ITPK1: variants seen among roughly 807,000 people sequenced by gnomAD.
ITPK1 encodes the protein inositol-tetrakisphosphate 1-kinase.
In ITPK1, 21 loss-of-function variants were observed where a neutral mutation model predicts 45.3. The observed-to-expected ratio is 0.46, with a 90% confidence interval of 0.33 to 0.67. The LOEUF is 0.67. ITPK1 is among the 30% of genes least tolerant of loss of function. ITPK1 has a pLI of 0.02. For synonymous variants in ITPK1, 258 were observed against 253.6 expected, an observed-to-expected ratio of 1.02 and a Z score of -0.16; for missense variants, 474 against 573.5, an observed-to-expected ratio of 0.83 and a Z score of 1.77.
chr14:93,003,041 G>C (rs1412609665), intron 4 of ITPK1, among the ~76,000 whole-genome samples: 1 of 152,240 alleles, frequency 6.6e-6, no homozygotes, highest in East Asian at 1.9e-4. Context: ...CTGTGAGGAG[G>C]GTCCGCGTGG....
intron 9 of ITPK1, among the ~76,000 whole-genome samples, chr14:92,950,858 A>G (rs993508065): frequency 2.6e-5 from 4 of 152,228 alleles, no homozygotes. Flanking sequence ...TCTGTTCCCA[A>G]AGCCTGATAT....
At chr14:93,028,180 A>G (rs1385226044) in intron 3 of ITPK1, among the ~76,000 whole-genome samples, 1 of 152,222 alleles carries the variant, frequency 6.6e-6, no homozygotes, top group South Asian at 2.1e-4. Flanking sequence ...AGGCCAAGCT[A>G]GTTCAAGTGT....
chr14:93,100,533 G>GGAGGGA lies in ITPK1; in HGVS notation c.95+14530_95+14535dup, dbSNP rs1555376345. Among the ~76,000 whole-genome samples, 219 of 150,482 alleles carry GGAGGGA rather than the reference G, an allele frequency of 1.5e-3. 1 individual carries two copies. Among genetic ancestry groups the GGAGGGA allele is most frequent in the African/African-American group, 4.8e-3 (198 of 41,070 alleles). ...GCAGGGAGGGGGCCGGGGGGAGAGAGGAGGGAGAGAGAGAGAGAGAGAGAC... is the reference window on the plus strand; with the variant it reads ...GCAGGGAGGGGGCCGGGGGGAGAGAGGAGGGAGAGGGAGAGAGAGAGAGAGAGAGAC... On this transcript the variant is annotated intron_variant, in intron 2 of 10. Coordinates refer to ENST00000267615, the MANE Select transcript of ITPK1 (RefSeq NM_014216.6).
chr14:93,046,342 G>A (rs961186496), intron 3 of ITPK1, among the ~76,000 whole-genome samples: 7 of 152,302 alleles, frequency 4.6e-5, no homozygotes, highest in South Asian at 4.1e-4. Context: ...GCGCTAGCCC[G>A]GGGCCCCACG....
At position 92,958,988 on chromosome 14, in the gene ITPK1, G is replaced by A. The variant is rs893852164; in HGVS notation, c.505-622C>T. 1.3e-5 allele frequency among the ~76,000 whole-genome samples: 2 copies of A among 152,210 alleles called. No individual in the cohort carries two copies. Among genetic ancestry groups the A allele is most frequent in the African/African-American group, 4.8e-5 (2 of 41,444 alleles). On this transcript the variant is annotated intron_variant, in intron 7 of 10. Coordinates refer to ENST00000267615, the MANE Select transcript of ITPK1 (RefSeq NM_014216.6). The surrounding 1 kb of genome is among the most constrained non-coding windows in gnomAD (Gnocchi z 4.4). ...TGACTGCTGGACAGTGAGTGAGCCC[G>A]GGATGGAACTGGGTCTGCACAGCAC...
chr14:93,051,542 G>C (rs1016712956), intron 3 of ITPK1, among the ~76,000 whole-genome samples: 1 of 130,798 alleles, frequency 7.6e-6, no homozygotes, highest in Non-Finnish European at 1.7e-5. Flanking sequence ...CTTGAGCCTG[G>C]GAGGCGGAGA....
chr14:93,038,654 T>C (rs1405918733), intron 3 of ITPK1, among the ~76,000 whole-genome samples: 1 of 152,006 alleles, frequency 6.6e-6, no homozygotes, highest in South Asian at 2.1e-4. Context: ...CAGCCTCCCA[T>C]GTAGCTGGGA....
At chr14:93,050,334 T>A (rs1889952141) in intron 3 of ITPK1, among the ~76,000 whole-genome samples, 1 of 152,014 alleles carries the variant, frequency 6.6e-6, no homozygotes, top group Admixed American at 6.6e-5. Context: ...GTACTTCCAC[T>A]CCCCTACCTG....
chr14:93,105,464 C>T (rs1397455943), intron 2 of ITPK1, among the ~76,000 whole-genome samples: 1 of 151,792 alleles, frequency 6.6e-6, no homozygotes, highest in Admixed American at 6.6e-5. Context: ...ATCTTCATCT[C>T]ACAGGGAAGG....
Position 92,941,479 on chromosome 14 carries a change from T to A in ITPK1, c.*82A>T. On this transcript the variant is annotated 3_prime_UTR_variant, in exon 11 of 11. Coordinates refer to ENST00000267615, the MANE Select transcript of ITPK1 (RefSeq NM_014216.6). ...GAATCAGATCACTGGGGATTCTTAG[T>A]AGTAGCATCGCCGTTGGGAGCTGCT... 1 of 1,441,556 alleles carries A rather than the reference T, an allele frequency of 6.9e-7. No individual in the cohort carries two copies. Among genetic ancestry groups the A allele is most frequent in the Non-Finnish European group, 9.0e-7 (1 of 1,105,102 alleles). 89.3% of individuals were successfully genotyped at this position (1,441,556 alleles called of 1,614,324 possible).
At chr14:93,080,327 T>C (rs1007927598) in intron 2 of ITPK1, among the ~76,000 whole-genome samples, 9 of 152,224 alleles carry the variant, frequency 5.9e-5, no homozygotes, top group African/African-American at 2.2e-4. Context: ...TGTCCCCTCA[T>C]ACATTGCTTC....
chr14:92,954,543 T>C (rs1888105988), intron 8 of ITPK1, among the ~76,000 whole-genome samples: 2 of 152,114 alleles, frequency 1.3e-5, no homozygotes, highest in South Asian at 2.1e-4. Context: ...ATAGCACCAG[T>C]GGAGAACTAC....
chr14:93,009,418 C>A (rs1887779758), intron 4 of ITPK1, among the ~76,000 whole-genome samples: 1 of 152,224 alleles, frequency 6.6e-6, no homozygotes, highest in Non-Finnish European at 1.5e-5. Context: ...CCTGTCCCAA[C>A]TGGGCTGCAC....
Position 93,077,858 on chromosome 14 carries a change from C to T in ITPK1, c.96-1239G>A, listed in dbSNP as rs536660741. Among the ~76,000 whole-genome samples the T allele has an allele frequency of 1.7e-4, 26 of 152,296 alleles. 1 individual carries two copies. Among genetic ancestry groups the T allele is most frequent in the African/African-American group, 5.8e-4 (24 of 41,558 alleles). On this transcript the variant is annotated intron_variant, in intron 2 of 10. Coordinates refer to ENST00000267615, the MANE Select transcript of ITPK1 (RefSeq NM_014216.6). ...CCAGGGACAAGCACTGGTGTAGGGC[C>T]ACCAGGACCTGCAGGGACCGAGGCA... is the stretch of plus-strand genomic sequence containing the variant.
chr14:93,049,627 C>T (rs1889923976), intron 3 of ITPK1, among the ~76,000 whole-genome samples: 1 of 151,946 alleles, frequency 6.6e-6, no homozygotes, highest in African/African-American at 2.4e-5. Flanking sequence ...GATGAAAGAT[C>T]ATTCTGCCAG....
At chr14:93,100,037 C>T (rs1892246787) in intron 2 of ITPK1, among the ~76,000 whole-genome samples, 1 of 152,240 alleles carries the variant, frequency 6.6e-6, no homozygotes, top group South Asian at 2.1e-4. Flanking sequence ...AGCTGCCAAA[C>T]ATCCCTCCCC....
Position 92,939,986 on chromosome 14 carries a change from C to T in ITPK1, c.*1575G>A, listed in dbSNP as rs1170965142. On this transcript the variant is annotated 3_prime_UTR_variant, in exon 11 of 11. Transcript: ENST00000267615. Reference sequence around the variant, plus strand: ...TGACGTACAGACATTAATCGGGGTTCAAAACTCAAGTCGTGTAAACGTGGT... The same window carrying T: ...TGACGTACAGACATTAATCGGGGTTTAAAACTCAAGTCGTGTAAACGTGGT... The T allele has an allele frequency of 1.0e-6, 1 of 985,768 alleles. No homozygotes were observed. The highest frequency in any genetic ancestry group is 1.2e-6 in the Non-Finnish European group (1 of 829,966). 61.1% of individuals were successfully genotyped at this position (985,768 alleles called of 1,614,324 possible). A position where few individuals can be genotyped will look rare whatever the true frequency, so the allele number is the denominator to read the frequency against.
intron 2 of ITPK1, among the ~76,000 whole-genome samples, chr14:93,109,802 TC>T (rs2140037561): frequency 6.6e-6 from 1 of 152,206 alleles, no homozygotes; most frequent in East Asian, 1.9e-4. Flanking sequence ...CAAACCCACA[TC>T]CCTGCAAGAT....
At chr14:93,062,795 G>C (rs1890586554) in intron 3 of ITPK1, among the ~76,000 whole-genome samples, 1 of 152,178 alleles carries the variant, frequency 6.6e-6, no homozygotes, top group East Asian at 1.9e-4. Context: ...CCAGGGCCTG[G>C]CCTACCATAC....
Sources: allele counts gnomAD v4.1 joint callset (sites outside exome capture counted in the v4.1 genomes callset), GRCh38; gene constraint gnomAD v4.1.1; non-coding constraint Gnocchi (gnomAD v3.1); transcripts MANE v1.5; gene names NCBI Gene and HGNC (gene_info 2026-07-23, HGNC 2026-07-21).